Variants in NDFIP1 observed in about 807,000 individuals in gnomAD.
NDFIP1 encodes the protein Nedd4 family interacting protein 1.
A neutral mutation model predicts 28.8 loss-of-function variants in NDFIP1; 7 were observed. That is an observed-to-expected ratio of 0.24 (90% CI 0.14 to 0.46). The LOEUF is 0.46. NDFIP1 is among the 20% of genes least tolerant of loss of function. The pLI is 0.99. For missense variants in NDFIP1, 194 were observed against 269.1 expected, an observed-to-expected ratio of 0.72 and a Z score of 1.95; for synonymous variants, 92 against 101.0, an observed-to-expected ratio of 0.91 and a Z score of 0.53.
intron 5 of NDFIP1, among the ~76,000 whole-genome samples, chr5:142,139,615 A>G (rs1003602308): frequency 5.3e-5 from 8 of 152,230 alleles, no homozygotes; most frequent in Admixed American, 1.3e-4. Context: ...GAAGCCCTCA[A>G]TTTCCACTGG....
intron 1 of NDFIP1, among the ~76,000 whole-genome samples, chr5:142,116,348 TTCTTTCTCTC>T (rs1221781062): frequency 5.7e-4 from 35 of 61,728 alleles, no homozygotes; most frequent in African/African-American, 3.8e-3. Flanking sequence ...CCTTCCTTCC[TTCTTTCTCTC>T]TCTCTCTCTC....
chr5:142,126,796 G>A (rs766631751), intron 1 of NDFIP1, among the ~76,000 whole-genome samples: 12 of 152,134 alleles, frequency 7.9e-5, no homozygotes, highest in Non-Finnish European at 1.8e-4. Context: ...GGGCGGTGGT[G>A]AAGCTTTCTT....
intron 3 of NDFIP1, 65 bp downstream of exon 3, chr5:142,132,407 A>G: frequency 6.4e-7 from 1 of 1,552,876 alleles, no homozygotes; most frequent in Non-Finnish European, 8.7e-7. Flanking sequence ...TTCATTATCC[A>G]ATTTTGATTC....
intron 1 of NDFIP1, among the ~76,000 whole-genome samples, chr5:142,115,035 C>T (rs761195961): frequency 6.6e-6 from 1 of 152,128 alleles, no homozygotes; most frequent in Non-Finnish European, 1.5e-5. Flanking sequence ...AGTTTAACTG[C>T]ACATAACTTC....
chr5:142,126,046 A>G (rs568902094), intron 1 of NDFIP1, among the ~76,000 whole-genome samples: 4 of 152,176 alleles, frequency 2.6e-5, no homozygotes, highest in Non-Finnish European at 4.4e-5. Context: ...TTTTTCTTGA[A>G]TGTAAATAAT....
chr5:142,129,121 G>A (rs1757200469), intron 1 of NDFIP1, among the ~76,000 whole-genome samples: 1 of 152,174 alleles, frequency 6.6e-6, no homozygotes. Context: ...AGGTTTAAAT[G>A]AAGTTCATTA....
At chr5:142,134,418 G>C (rs995703064) in intron 3 of NDFIP1, among the ~76,000 whole-genome samples, 2 of 152,138 alleles carry the variant, frequency 1.3e-5, no homozygotes, top group Non-Finnish European at 2.9e-5. Flanking sequence ...AGAATACTAG[G>C]TATTTAATGT....
At chr5:142,109,603 G>A (rs1376443948) in intron 1 of NDFIP1, among the ~76,000 whole-genome samples, 3 of 152,190 alleles carry the variant, frequency 2.0e-5, no homozygotes, top group African/African-American at 7.2e-5. Context: ...ATTTGGAAGA[G>A]GCGATGTTTG....
chr5:142,131,728 A>C, intron 1 of NDFIP1, 80 bp from the exon 2 acceptor site: 1 of 1,074,688 alleles, frequency 9.3e-7, no homozygotes, highest in Non-Finnish European at 1.3e-6. Flanking sequence ...CTTTCGAGAA[A>C]GGCTATTTAT....
In NDFIP1 at chr5:142,108,831, A is replaced by G. The variant is rs892817653; in HGVS notation, c.-144A>G. The G allele has an allele frequency of 1.7e-5, 10 of 596,170 alleles. No individual in the cohort carries two copies. The highest frequency in any genetic ancestry group is 2.6e-5 in the Non-Finnish European group (10 of 391,236). 36.9% of individuals were successfully genotyped at this position (596,170 alleles called of 1,614,324 possible). On this transcript the variant is annotated 5_prime_UTR_variant, in exon 1 of 8. Transcript: ENST00000253814. ...GCGGCGGTGCTTACAGCCTGAGAAG[A>G]GCGTCTCGCCCGGGAGCGGCGGCGG... is the stretch of plus-strand genomic sequence containing the variant.
chr5:142,138,049 T>C, intron 5 of NDFIP1, 191 bp downstream of exon 5: 1 of 556,398 alleles, frequency 1.8e-6, no homozygotes, highest in African/African-American at 1.9e-5. Context: ...AGTTTTGTTG[T>C]CAAATCTATT....
At chr5:142,122,845 A>G (rs1476273373) in intron 1 of NDFIP1, among the ~76,000 whole-genome samples, 1 of 152,060 alleles carries the variant, frequency 6.6e-6, no homozygotes, top group African/African-American at 2.4e-5. Context: ...GAAGTTCTTT[A>G]TATATTTTGG....
intron 7 of NDFIP1, among the ~76,000 whole-genome samples, chr5:142,150,190 A>C (rs1391495678): frequency 8.4e-6 from 1 of 119,324 alleles, no homozygotes; most frequent in African/African-American, 3.6e-5. Context: ...CAAAAAAAAA[A>C]AAAAAAAAAA....
At chr5:142,134,626 A>AT (rs923139800) in intron 3 of NDFIP1, among the ~76,000 whole-genome samples, 2 of 152,098 alleles carry the variant, frequency 1.3e-5, no homozygotes, top group African/African-American at 4.8e-5. Context: ...TCCCTAAAAT[A>AT]TTTTTCATTT....
At chr5:142,142,654 G>A (rs895939846) in intron 6 of NDFIP1, among the ~76,000 whole-genome samples, 2 of 151,868 alleles carry the variant, frequency 1.3e-5, no homozygotes, top group Non-Finnish European at 1.5e-5. Flanking sequence ...TTGGCCCGGC[G>A]TGGTGGCTCA....
rs538325710 is a variant in NDFIP1, at chr5:142,139,473, C to T, written c.496-1090C>T. 2.0e-4 allele frequency among the ~76,000 whole-genome samples: 30 copies of T among 152,132 alleles called. 1 individual carries two copies. Among genetic ancestry groups the T allele is most frequent in the African/African-American group, 7.2e-4 (30 of 41,494 alleles). On this transcript the variant is annotated intron_variant, in intron 5 of 7. Transcript: ENST00000253814. Reference sequence around the variant, plus strand: ...CCCTCCCCTCAGGGTTAAAAGATGGCAGTTTCACGTATCAGTATTACATTG... The same window carrying T: ...CCCTCCCCTCAGGGTTAAAAGATGGTAGTTTCACGTATCAGTATTACATTG...
chr5:142,137,697 A>G (rs1757290261), intron 4 of NDFIP1, 37 bp from the exon 5 acceptor site: 1 of 1,610,866 alleles, frequency 6.2e-7, no homozygotes, highest in South Asian at 1.1e-5. Flanking sequence ...GGGTAACAGG[A>G]CATGTCTAAC....
intron 1 of NDFIP1, among the ~76,000 whole-genome samples, chr5:142,115,773 G>A (rs1757061084): frequency 6.6e-6 from 1 of 152,062 alleles, no homozygotes; most frequent in Non-Finnish European, 1.5e-5. Context: ...TGCTTCTAGT[G>A]GTTGGCTAGG....
chr5:142,127,420 G>T (rs762546928), intron 1 of NDFIP1, among the ~76,000 whole-genome samples: 3 of 152,140 alleles, frequency 2.0e-5, no homozygotes, highest in Non-Finnish European at 4.4e-5. Flanking sequence ...AGAGTTTTAG[G>T]GTTCTTCTGG....
Sources: allele counts gnomAD v4.1 joint callset (sites outside exome capture counted in the v4.1 genomes callset), GRCh38; gene constraint gnomAD v4.1.1; transcripts MANE v1.5; gene names NCBI Gene and HGNC (gene_info 2026-07-23, HGNC 2026-07-21).